Variants in SHROOM3 observed in about 807,000 individuals in gnomAD.
The protein encoded by SHROOM3 is shroom family member 3.
SHROOM3 carries 47 observed loss-of-function variants against 138.6 expected under a neutral mutation model. That is an observed-to-expected ratio of 0.34 (90% CI 0.27 to 0.43). The LOEUF is 0.43. Among genes scored for constraint, SHROOM3 ranks in the 20% least tolerant of loss-of-function variants. The probability of loss-of-function intolerance (pLI) is 1.00; values close to 1 mark genes in which losing one functional copy is unlikely to be tolerated. For missense variants in SHROOM3, 2,491 were observed against 2,596.5 expected, an observed-to-expected ratio of 0.96 and a Z score of 0.88; for synonymous variants, 1,062 against 1,063.3, an observed-to-expected ratio of 1.00 and a Z score of 0.02.
chr4:76,699,572 A>G (rs1244756342), intron 2 of SHROOM3, among the ~76,000 whole-genome samples: 1 of 152,172 alleles, frequency 6.6e-6, no homozygotes, highest in Non-Finnish European at 1.5e-5. Flanking sequence ...GGGTATGTAT[A>G]TATGGCCTTT....
intron 2 of SHROOM3, among the ~76,000 whole-genome samples, chr4:76,578,425 G>A (rs1338072397): frequency 6.6e-6 from 1 of 152,212 alleles, no homozygotes; most frequent in Admixed American, 6.5e-5. Context: ...TCAGAAAGAA[G>A]AGGTGTGTGA....
intron 2 of SHROOM3, among the ~76,000 whole-genome samples, chr4:76,633,797 G>A (rs573558587): frequency 6.6e-6 from 1 of 151,762 alleles, no homozygotes; most frequent in East Asian, 1.9e-4. Flanking sequence ...TTAAATAATA[G>A]CATTGGGATT....
At chr4:76,506,234 G>C (rs554299448) in intron 1 of SHROOM3, among the ~76,000 whole-genome samples, 3 of 151,980 alleles carry the variant, frequency 2.0e-5, no homozygotes, top group African/African-American at 7.3e-5. Flanking sequence ...GTCAGGTAGT[G>C]GGGGGCTGGG....
intron 1 of SHROOM3, among the ~76,000 whole-genome samples, chr4:76,459,137 AT>A (rs1310370980): frequency 6.6e-6 from 1 of 152,126 alleles, no homozygotes; most frequent in Non-Finnish European, 1.5e-5. Flanking sequence ...TTTTTCCTAC[AT>A]TTGATTATAA....
In SHROOM3 at chr4:76,740,937, C is replaced by G; in HGVS notation, c.2764C>G (p.Arg922Gly). The G allele has an allele frequency of 6.7e-7, 1 of 1,496,212 alleles. No individual in the cohort carries two copies. Among genetic ancestry groups the G allele is most frequent in the South Asian group, 1.4e-5 (1 of 72,076 alleles). The allele number at this position is 1,496,212 out of a possible 1,614,324, so 92.7% of individuals were successfully genotyped here. ...ESPLLDAPFS[R>G]AYRNSIKDAQ... ...GCCCCTGCTGGATGCCCCCTTCAGC[C>G]GCGCCTACCGGAACAGCATCAAGGA... is the stretch of plus-strand genomic sequence containing the variant. Residue 922 changes from arginine (R) to glycine (G), a missense_variant, in exon 5 of 11, where the codon CGC becomes GGC. Around this residue, in one of 4 missense-constraint regions of SHROOM3, gnomAD observed 1,733 missense variants for 1,661.6 expected, o/e 1.04. Coordinates refer to ENST00000296043, the MANE Select transcript of SHROOM3 (RefSeq NM_020859.4). This position sits in a 1 kb window ranked among gnomAD's most constrained non-coding sequence, Gnocchi z 4.0.
chr4:76,496,971 G>A (rs1178339807), intron 1 of SHROOM3, among the ~76,000 whole-genome samples: 2 of 152,136 alleles, frequency 1.3e-5, no homozygotes, highest in East Asian at 3.8e-4. Context: ...ACCTCTATAA[G>A]GATAAGGCTG....
intron 1 of SHROOM3, among the ~76,000 whole-genome samples, chr4:76,456,479 T>C (rs1731029611): frequency 6.6e-6 from 1 of 152,176 alleles, no homozygotes; most frequent in South Asian, 2.1e-4. Flanking sequence ...TGATTTGAGG[T>C]TGGTTGAATC....
At chr4:76,698,539 T>A (rs1160495514) in intron 2 of SHROOM3, among the ~76,000 whole-genome samples, 1 of 152,170 alleles carries the variant, frequency 6.6e-6, no homozygotes, top group Admixed American at 6.5e-5. Flanking sequence ...CAGACTACAT[T>A]GGGACCCTCA....
chr4:76,605,938 TATATATATACACATATATATATAC>T (rs1170006743), intron 2 of SHROOM3, among the ~76,000 whole-genome samples: 9 of 142,148 alleles, frequency 6.3e-5, no homozygotes, highest in Non-Finnish European at 6.0e-5. Context: ...TCTCTCTATA[TATATATATACACATATATATATAC>T]ATATATATAC....
At chr4:76,613,349 T>G (rs1356164090) in intron 2 of SHROOM3, among the ~76,000 whole-genome samples, 2 of 152,216 alleles carry the variant, frequency 1.3e-5, no homozygotes, top group African/African-American at 4.8e-5. Flanking sequence ...CCTTCAATAA[T>G]TGCTGTCCAT....
chr4:76,629,240 A>G (rs1187757723), intron 2 of SHROOM3, among the ~76,000 whole-genome samples: 1 of 152,204 alleles, frequency 6.6e-6, no homozygotes, highest in African/African-American at 2.4e-5. Context: ...CACCTAGTAA[A>G]GGGAATTGTC....
At chr4:76,492,396 A>G (rs1427454646) in intron 1 of SHROOM3, among the ~76,000 whole-genome samples, 1 of 152,264 alleles carries the variant, frequency 6.6e-6, no homozygotes, top group Non-Finnish European at 1.5e-5. Flanking sequence ...GCAGAATTTC[A>G]AAATGAGATT....
chr4:76,754,956 G>A lies in SHROOM3; in HGVS notation c.4473G>A (p.Glu1491=). ...TPGRISLRIS[E]SVLRDSPPPH... is the part of the protein sequence containing the mutation. ...GGAGGATCTCCCTCCGAATATCTGA[G>A]TCTGTCCTGCGGGACTCCCCGCCAC... Residue 1491 remains glutamate (E), a synonymous_variant, in exon 7 of 11, where the codon GAG becomes GAA. Coordinates refer to ENST00000296043, the MANE Select transcript of SHROOM3 (RefSeq NM_020859.4). 6.2e-7 allele frequency: 1 copy of A among 1,614,180 alleles called. No homozygotes were observed.
intron 2 of SHROOM3, among the ~76,000 whole-genome samples, chr4:76,690,975 GA>G: frequency 6.6e-6 from 1 of 152,120 alleles, no homozygotes; most frequent in East Asian, 1.9e-4. Flanking sequence ...CCATGAGTTG[GA>G]ACAGAATTTA....
intron 2 of SHROOM3, among the ~76,000 whole-genome samples, chr4:76,697,814 G>A (rs774544999): frequency 4.6e-5 from 7 of 152,228 alleles, no homozygotes; most frequent in Non-Finnish European, 1.0e-4. Context: ...GTTCTACTTT[G>A]TGGTATGTAT....
At position 76,756,701 on chromosome 4, in the gene SHROOM3, A is replaced by G. The variant is rs771430938; in HGVS notation, c.4962A>G (p.Lys1654=). Residue 1654 remains lysine (K), a synonymous_variant, in exon 8 of 11, where the codon AAA becomes AAG. Transcript: ENST00000296043. ...GTGGAACTCAGGGTTTAGAAAAGAAAGTCAGTCCTGATCCTCAGAAGAGTT... is the reference window on the plus strand; with the variant it reads ...GTGGAACTCAGGGTTTAGAAAAGAAGGTCAGTCCTGATCCTCAGAAGAGTT... The part of the protein sequence containing the change: ...PVSGTQGLEK[K]VSPDPQKSSE... 7 of 1,614,148 alleles carry G rather than the reference A, an allele frequency of 4.3e-6. No homozygotes were observed. The South Asian group carries it at 7.7e-5, about 18-fold the overall frequency.
chr4:76,754,547 G>A lies in SHROOM3; in HGVS notation c.4064G>A (p.Gly1355Asp). The A allele has an allele frequency of 6.2e-7, 1 of 1,613,500 alleles. No individual in the cohort carries two copies. Among genetic ancestry groups the A allele is most frequent in the Non-Finnish European group, 8.5e-7 (1 of 1,179,580 alleles). Residue 1355 changes from glycine to aspartate, a missense_variant, in exon 7 of 11, where the codon GGC becomes GAC. Gly to Asp is a moderately conservative substitution (Grantham distance 94). This residue lies in a region of SHROOM3 where 1,733 missense variants were observed against 1,661.6 expected (regional missense o/e 1.04). Coordinates refer to ENST00000296043, the MANE Select transcript of SHROOM3 (RefSeq NM_020859.4). The stretch of plus-strand genomic sequence containing the variant: ...AGGGCTGCACCCCTGACCCCAATTG[G>A]CACCCCTCTGCCTTCAGCCATTCCC... The part of the protein sequence containing the change: ...DTRAAPLTPI[G>D]TPLPSAIPSG...
At chr4:76,450,161 TCTC>T (rs2109969200) in intron 1 of SHROOM3, among the ~76,000 whole-genome samples, 1 of 152,274 alleles carries the variant, frequency 6.6e-6, no homozygotes, top group Admixed American at 6.5e-5. Flanking sequence ...AAGAAAATCA[TCTC>T]CTCTCCTTCC....
chr4:76,757,619 T>C (rs1721861750), intron 8 of SHROOM3, among the ~76,000 whole-genome samples: 1 of 152,184 alleles, frequency 6.6e-6, no homozygotes. Flanking sequence ...AGGTGGGTGT[T>C]GGCGCAAATC....
Sources: allele counts gnomAD v4.1 joint callset (sites outside exome capture counted in the v4.1 genomes callset), GRCh38; gene constraint gnomAD v4.1.1; regional missense constraint gnomAD v4.1.1; non-coding constraint Gnocchi (gnomAD v3.1); transcripts MANE v1.5; gene names NCBI Gene and HGNC (gene_info 2026-07-23, HGNC 2026-07-21).